DNAH8: variants seen among roughly 807,000 people sequenced by gnomAD.
The protein encoded by DNAH8 is dynein axonemal heavy chain 8, also known as axonemal beta dynein heavy chain 8.
In DNAH8, 382 loss-of-function variants were observed where a neutral mutation model predicts 562.1. That is an observed-to-expected ratio of 0.68 (90% CI 0.63 to 0.74). DNAH8 has a LOEUF of 0.74. DNAH8 is among the 30% of genes least tolerant of loss of function. DNAH8 has a pLI of 0.00. For synonymous variants in DNAH8, 1,881 were observed against 1,919.4 expected, an observed-to-expected ratio of 0.98 and a Z score of 0.52; for missense variants, 5,203 against 5,620.4, an observed-to-expected ratio of 0.93 and a Z score of 2.37.
At chr6:38,870,294 TA>T in intron 48 of DNAH8, 106 bp from the exon 49 acceptor site, 1 of 960,684 alleles carries the variant, frequency 1.0e-6, no homozygotes, top group Non-Finnish European at 1.6e-6. Flanking sequence ...AGGAGAGTAA[TA>T]AATGGTTCTC....
At position 38,722,854 on chromosome 6, in the gene DNAH8, G is replaced by A. The variant is rs534843319; in HGVS notation, c.45G>A (p.Glu15=). 6.2e-7 allele frequency: 1 copy of A among 1,610,244 alleles called. No individual in the cohort carries two copies. Among genetic ancestry groups the A allele is most frequent in the East Asian group, 2.2e-5 (1 of 44,850 alleles). The part of the protein sequence containing the change: ...AEDGAPSEGA[E]APPSTEEAAP... ...ATGGCGCCCCTTCTGAGGGAGCAGAGGCTCCTCCCTCTACGGAAGAGGCTG... is the reference window on the plus strand; with the variant it reads ...ATGGCGCCCCTTCTGAGGGAGCAGAAGCTCCTCCCTCTACGGAAGAGGCTG... Residue 15 remains glutamate (E), a synonymous_variant, in exon 2 of 93, where the codon GAG becomes GAA. Coordinates refer to ENST00000327475, the MANE Select transcript of DNAH8 (RefSeq NM_001206927.2).
In DNAH8 at chr6:38,790,649, C is replaced by A. The variant is rs567220315; in HGVS notation, c.2781+244C>A. ...ACCAGCCTGGCCAACATGGTGAAAC[C>A]CCGTCTCTACTAAAAATACAAAAAT... On this transcript the variant is annotated intron_variant, in intron 20 of 92. Coordinates refer to ENST00000327475, the MANE Select transcript of DNAH8 (RefSeq NM_001206927.2). 3.9e-5 allele frequency among the ~76,000 whole-genome samples: 6 copies of A among 151,918 alleles called. No homozygotes were observed. The South Asian group carries it at 1.3e-3, about 32-fold the overall frequency.
intron 62 of DNAH8, among the ~76,000 whole-genome samples, chr6:38,903,843 C>T (rs374916850): frequency 1.3e-5 from 2 of 151,940 alleles, no homozygotes; most frequent in Non-Finnish European, 2.9e-5. Flanking sequence ...AACTCCTGAC[C>T]TTGTGATCCA....
At chr6:38,812,388 C>T (rs368900865) in intron 24 of DNAH8, among the ~76,000 whole-genome samples, 16 of 152,252 alleles carry the variant, frequency 1.1e-4, no homozygotes, top group South Asian at 2.1e-4. Context: ...ACAAGTTCTG[C>T]GGCAATTTAG....
intron 54 of DNAH8, 54 bp from the exon 55 acceptor site, chr6:38,883,268 T>C: frequency 1.3e-6 from 2 of 1,535,314 alleles, no homozygotes; most frequent in East Asian, 4.6e-5. Flanking sequence ...TCATAAGATA[T>C]TTGAAACTAA....
At chr6:38,982,960 C>A (rs1764133742) in intron 86 of DNAH8, among the ~76,000 whole-genome samples, 2 of 152,186 alleles carry the variant, frequency 1.3e-5, no homozygotes, top group Non-Finnish European at 2.9e-5. Flanking sequence ...CTTTTATCTT[C>A]ACAACCCTGT....
chr6:38,873,707 TA>T (rs1777650394), intron 52 of DNAH8, among the ~76,000 whole-genome samples: 1 of 138,444 alleles, frequency 7.2e-6, no homozygotes, highest in African/African-American at 2.7e-5. Flanking sequence ...TTAAAATAAA[TA>T]AAAAATAACA....
At chr6:38,851,718 A>G (rs1388498948) in intron 39 of DNAH8, 44 bp downstream of exon 39, 2 of 1,202,552 alleles carry the variant, frequency 1.7e-6, no homozygotes, top group Non-Finnish European at 2.5e-6. Flanking sequence ...TTCCCACGAC[A>G]TACACAATGA....
intron 47 of DNAH8, among the ~76,000 whole-genome samples, chr6:38,867,752 C>CAAAAAA (rs68060910): frequency 3.4e-5 from 3 of 88,732 alleles, no homozygotes; most frequent in South Asian, 7.3e-4. Context: ...GACTCCATCT[C>CAAAAAA]AAAAAAAAAA....
chr6:38,858,005 C>T (rs564451256), intron 42 of DNAH8, among the ~76,000 whole-genome samples: 13 of 152,260 alleles, frequency 8.5e-5, no homozygotes, highest in African/African-American at 2.9e-4. Flanking sequence ...TAACCAGGAA[C>T]ATGATATAAT....
intron 82 of DNAH8, among the ~76,000 whole-genome samples, chr6:38,958,284 C>T (rs1358790452): frequency 4.0e-5 from 6 of 151,678 alleles, no homozygotes; most frequent in Admixed American, 2.0e-4. Flanking sequence ...GGATTACAGG[C>T]GTGAGCCACC....
intron 85 of DNAH8, among the ~76,000 whole-genome samples, chr6:38,975,648 G>A (rs936856320): frequency 6.6e-6 from 1 of 152,208 alleles, no homozygotes; most frequent in African/African-American, 2.4e-5. Flanking sequence ...ATGCTTTGCT[G>A]GTGGTTATCT....
intron 88 of DNAH8, among the ~76,000 whole-genome samples, chr6:39,007,587 C>T (rs1216303145): frequency 6.6e-6 from 1 of 152,160 alleles, no homozygotes; most frequent in African/African-American, 2.4e-5. Context: ...TCAGTGGCTG[C>T]CCATTGCCTT....
intron 91 of DNAH8, among the ~76,000 whole-genome samples, chr6:39,018,177 G>A (rs939953644): frequency 7.9e-5 from 12 of 152,146 alleles, no homozygotes; most frequent in African/African-American, 2.9e-4. Flanking sequence ...TTGACTTTCT[G>A]TGTGAGCAGC....
At chr6:38,796,804 T>A (rs1434271410) in intron 21 of DNAH8, among the ~76,000 whole-genome samples, 2 of 152,030 alleles carry the variant, frequency 1.3e-5, no homozygotes, top group African/African-American at 4.8e-5. Flanking sequence ...TTTGGAGACA[T>A]GAGCCCGCCG....
Position 38,864,057 on chromosome 6 carries a change from G to T in DNAH8, c.6495G>T (p.Thr2165=), listed in dbSNP as rs1338999745. 20 of 1,602,464 alleles carry T rather than the reference G, an allele frequency of 1.2e-5. No homozygotes were observed. The highest frequency in any genetic ancestry group is 1.4e-5 in the Non-Finnish European group (17 of 1,177,342). ...ATCCAGAATTTGGAATCTTCTTAAC[G>T]ATGGTGAGAAAAAAGGCTTTAAATG... ...DLNPEFGIFL[T]MNPGYAGRQE... The change falls in exon 45 of 93, where the codon ACG becomes ACT. Residue 2165 remains threonine (T), a synonymous_variant. Coordinates refer to ENST00000327475, the MANE Select transcript of DNAH8 (RefSeq NM_001206927.2).
chr6:38,970,414 A>G (rs911330608), intron 82 of DNAH8, among the ~76,000 whole-genome samples: 2 of 152,052 alleles, frequency 1.3e-5, no homozygotes, highest in Middle Eastern at 3.2e-3. Flanking sequence ...TTGGTGGGAA[A>G]ATCCACCTTT....
chr6:38,758,892 G>A (rs886450747), intron 10 of DNAH8, among the ~76,000 whole-genome samples: 5 of 152,274 alleles, frequency 3.3e-5, no homozygotes, highest in African/African-American at 1.2e-4. Context: ...CTTGATCATG[G>A]TGGATAAGCT....
At chr6:38,729,606 T>C (rs1016351895) in intron 3 of DNAH8, among the ~76,000 whole-genome samples, 5 of 152,202 alleles carry the variant, frequency 3.3e-5, no homozygotes, top group African/African-American at 9.7e-5. Context: ...AATACTTCTT[T>C]TTTAAAAATA....
Sources: allele counts gnomAD v4.1 joint callset (sites outside exome capture counted in the v4.1 genomes callset), GRCh38; gene constraint gnomAD v4.1.1; transcripts MANE v1.5; gene names NCBI Gene and HGNC (gene_info 2026-07-23, HGNC 2026-07-21).